The following VEGFC variants were observed in gnomAD, a reference collection of about 807,000 sequenced individuals.
The protein encoded by VEGFC is vascular endothelial growth factor C.
A neutral mutation model predicts 46.1 loss-of-function variants in VEGFC; 12 were observed. That is an observed-to-expected ratio of 0.26 (90% CI 0.17 to 0.42). The LOEUF (loss-of-function observed/expected upper bound fraction) is 0.42, where lower values mean the gene tolerates loss of function less well. VEGFC is among the 10% of genes least tolerant of loss of function. The pLI, the probability that VEGFC is intolerant of heterozygous loss-of-function variation, is 1.00. For synonymous variants in VEGFC, 232 were observed against 195.5 expected, an observed-to-expected ratio of 1.19 and a Z score of -1.56; for missense variants, 488 against 529.4, an observed-to-expected ratio of 0.92 and a Z score of 0.77.
chr4:176,792,446 C>T lies in VEGFC; in HGVS notation c.-135G>A, dbSNP rs1050663584. On this transcript the variant is annotated 5_prime_UTR_variant, in exon 1 of 7. Transcript: ENST00000618562. The surrounding 1 kb of genome is among the most constrained non-coding windows in gnomAD (Gnocchi z 6.3). ...TCCCGGCGACCCCCCCTGGGCGAGC[C>T]GGAGGCGGCGGGAGCGGGTCCGGGG... The T allele has an allele frequency of 3.2e-6, 2 of 623,178 alleles. No individual in the cohort carries two copies. The highest frequency in any genetic ancestry group is 1.9e-5 in the African/African-American group (1 of 51,636). The allele number at this position is 623,178 out of a possible 1,614,324, so 38.6% of individuals were successfully genotyped here.
In VEGFC at chr4:176,787,819, ATAACTC is replaced by A. The variant is rs1736028845; in HGVS notation, c.147+4340_147+4345del. The stretch of plus-strand genomic sequence containing the variant: ...TTATAGTAAATTTTATAATTACACT[ATAACTC>A]AAACTCATCAGCATCTCTCCTTGTT... On this transcript the variant is annotated intron_variant, in intron 1 of 6. Transcript: ENST00000618562. Among the ~76,000 whole-genome samples, 6 of 152,358 alleles carry A rather than the reference ATAACTC, an allele frequency of 3.9e-5. No individual in the cohort carries two copies. In the South Asian group the frequency reaches 1.2e-3, roughly 32 times the overall value.
intron 1 of VEGFC, among the ~76,000 whole-genome samples, chr4:176,755,906 C>T (rs1407949088): frequency 1.3e-5 from 2 of 151,864 alleles, no homozygotes; most frequent in Admixed American, 1.3e-4. Flanking sequence ...CAACGCATTA[C>T]AGTAATGATT....
intron 1 of VEGFC, among the ~76,000 whole-genome samples, chr4:176,781,616 G>T (rs967496053): frequency 1.3e-5 from 2 of 152,172 alleles, no homozygotes; most frequent in South Asian, 4.1e-4. Context: ...TGGCAGCTGT[G>T]TGGTCACTTC....
In VEGFC at chr4:176,683,836, C is replaced by T; in HGVS notation, c.*90G>A. ...GACTTTTGTCTTTGTTAGCATGGAC[C>T]CACAAGGGTCTCTCTGTTCACAGAC... On this transcript the variant is annotated 3_prime_UTR_variant, in exon 7 of 7. Transcript: ENST00000618562. 1 of 1,054,022 alleles carries T rather than the reference C, an allele frequency of 9.5e-7. No individual in the cohort carries two copies. The highest frequency in any genetic ancestry group is 1.4e-5 in the South Asian group (1 of 73,670). 65.3% of individuals were successfully genotyped at this position (1,054,022 alleles called of 1,614,324 possible).
chr4:176,757,956 A>G (rs546969978), intron 1 of VEGFC, among the ~76,000 whole-genome samples: 55 of 152,218 alleles, frequency 3.6e-4, no homozygotes, highest in African/African-American at 1.3e-3. Context: ...AAGTAAAAAC[A>G]CAACTCCACT....
chr4:176,707,545 T>A (rs1247610168), intron 4 of VEGFC, among the ~76,000 whole-genome samples: 1 of 152,108 alleles, frequency 6.6e-6, no homozygotes, highest in Non-Finnish European at 1.5e-5. Flanking sequence ...TCACACGTAA[T>A]AATAAGGCAA....
At chr4:176,780,074 G>C (rs1735885257) in intron 1 of VEGFC, among the ~76,000 whole-genome samples, 1 of 151,990 alleles carries the variant, frequency 6.6e-6, no homozygotes, top group Non-Finnish European at 1.5e-5. Context: ...ATTTTACAGG[G>C]GTATCTATTA....
intron 1 of VEGFC, among the ~76,000 whole-genome samples, chr4:176,763,134 C>G (rs930422015): frequency 6.6e-6 from 1 of 152,186 alleles, no homozygotes; most frequent in Non-Finnish European, 1.5e-5. Flanking sequence ...CCAAAAATAC[C>G]TTTGAAAGTG....
At chr4:176,767,120 A>C (rs1350835042) in intron 1 of VEGFC, among the ~76,000 whole-genome samples, 1 of 108,756 alleles carries the variant, frequency 9.2e-6, no homozygotes, top group Non-Finnish European at 2.0e-5. Flanking sequence ...AATTGTAGAA[A>C]TCTAAAAAAA....
intron 1 of VEGFC, among the ~76,000 whole-genome samples, chr4:176,779,853 G>C (rs1735878571): frequency 6.6e-6 from 1 of 152,134 alleles, no homozygotes; most frequent in Non-Finnish European, 1.5e-5. Flanking sequence ...AACATGGACA[G>C]AAAACAATGT....
At chr4:176,694,475 T>A (rs1408996615) in intron 4 of VEGFC, among the ~76,000 whole-genome samples, 1 of 151,312 alleles carries the variant, frequency 6.6e-6, no homozygotes, top group Admixed American at 6.6e-5. Context: ...CCAAGATTCA[T>A]AAAGCAAGTC....
chr4:176,683,546 C>T lies in VEGFC; in HGVS notation c.*380G>A, dbSNP rs1263835817. ...GGACTGAACTTAGCAGCTTATAATACAATTTTCATTTTATTTTAAACATAT... is the reference window on the plus strand; with the variant it reads ...GGACTGAACTTAGCAGCTTATAATATAATTTTCATTTTATTTTAAACATAT... On this transcript the variant is annotated 3_prime_UTR_variant, in exon 7 of 7. Coordinates refer to ENST00000618562, the MANE Select transcript of VEGFC (RefSeq NM_005429.5). 1 of 161,158 alleles carries T rather than the reference C, an allele frequency of 6.2e-6. No individual in the cohort carries two copies. Among genetic ancestry groups the T allele is most frequent in the African/African-American group, 2.4e-5 (1 of 41,566 alleles). 10.0% of individuals were successfully genotyped at this position (161,158 alleles called of 1,614,324 possible).
intron 2 of VEGFC, among the ~76,000 whole-genome samples, chr4:176,729,031 A>G (rs979874844): frequency 6.6e-6 from 1 of 152,154 alleles, no homozygotes; most frequent in African/African-American, 2.4e-5. Context: ...ATGACATTTT[A>G]TGCAACATGA....
chr4:176,736,941 T>G (rs1560950409), intron 1 of VEGFC, among the ~76,000 whole-genome samples: 2 of 151,338 alleles, frequency 1.3e-5, no homozygotes, highest in Non-Finnish European at 3.0e-5. Context: ...TAAGGATGGA[T>G]TTTTAAGTAA....
chr4:176,684,432 C>T (rs1734000848), intron 6 of VEGFC, among the ~76,000 whole-genome samples: 1 of 152,104 alleles, frequency 6.6e-6, no homozygotes, highest in South Asian at 2.1e-4. Flanking sequence ...TGTATGGGAC[C>T]CAGACTTCCA....
chr4:176,686,770 C>T (rs2110962202), intron 6 of VEGFC, among the ~76,000 whole-genome samples: 1 of 152,092 alleles, frequency 6.6e-6, no homozygotes, highest in African/African-American at 2.4e-5. Context: ...ATTTTCATTT[C>T]CAGATATAAT....
Position 176,729,695 on chromosome 4 carries a change from C to T in VEGFC, c.199G>A (p.Asp67Asn), listed in dbSNP as rs539876211. 31 of 1,612,970 alleles carry T rather than the reference C, an allele frequency of 1.9e-5. No individual in the cohort carries two copies. In the Admixed American group the frequency reaches 4.0e-4, roughly 21 times the overall value. ...GGGTAGAGTACAGTCATGAGTTCAT[C>T]TACACTGGACACAGACCGTAACTGC... The part of the protein sequence containing the change: ...EEQLRSVSSV[D>N]ELMTVLYPEY... The change falls in exon 2 of 7, where the codon GAT (aspartate) becomes AAT (asparagine). Residue 67 changes from aspartate to asparagine, a missense_variant. Transcript: ENST00000618562.
intron 1 of VEGFC, among the ~76,000 whole-genome samples, chr4:176,769,689 G>T (rs914504905): frequency 6.6e-6 from 1 of 152,098 alleles, no homozygotes; most frequent in African/African-American, 2.4e-5. Flanking sequence ...TTTATCAGTA[G>T]CTAACATGAG....
chr4:176,767,123 T>TAAAAAAAAAAAAAAAAAAAAAA (rs70964805), intron 1 of VEGFC, among the ~76,000 whole-genome samples: 1 of 50,480 alleles, frequency 2.0e-5, no homozygotes. Context: ...TGTAGAAATC[T>TAAAAAAAAAAAAAAAAAAAAAA]AAAAAAAAAA....
Sources: allele counts gnomAD v4.1 joint callset (sites outside exome capture counted in the v4.1 genomes callset), GRCh38; gene constraint gnomAD v4.1.1; non-coding constraint Gnocchi (gnomAD v3.1); transcripts MANE v1.5; gene names NCBI Gene and HGNC (gene_info 2026-07-23, HGNC 2026-07-21).